Variants in ERBB4 observed in about 807,000 individuals in gnomAD.
ERBB4 encodes the protein erb-b2 receptor tyrosine kinase 4.
Under a neutral mutation model 158.0 loss-of-function variants are expected in ERBB4, and 42 were observed. The ratio of observed to expected loss-of-function variants is 0.27; its 90% CI spans 0.21 to 0.34. The LOEUF is 0.34. ERBB4 is among the 10% of genes least tolerant of loss of function. The pLI is 1.00. For synonymous variants in ERBB4, 583 were observed against 558.7 expected (o/e 1.04, Z -0.61); for missense variants, 1,333 against 1,624.1 (o/e 0.82, Z 3.08).
At chr2:211,839,153 AG>A (rs1386551693) in intron 3 of ERBB4, among the ~76,000 whole-genome samples, 22 of 1,756 alleles carry the variant, frequency 0.013, no homozygotes, top group Admixed American at 0.048. Flanking sequence ...GAGAGAGAGA[AG>A]GAGGAGGAGG....
intron 20 of ERBB4, among the ~76,000 whole-genome samples, chr2:211,496,028 C>T (rs1339003950): frequency 6.6e-6 from 1 of 152,038 alleles, no homozygotes; most frequent in Non-Finnish European, 1.5e-5. Flanking sequence ...ACAGCACTGA[C>T]ATAGTTGATC....
intron 20 of ERBB4, among the ~76,000 whole-genome samples, chr2:211,468,929 A>AC (rs1178126956): frequency 6.6e-6 from 1 of 151,482 alleles, no homozygotes; most frequent in Non-Finnish European, 1.5e-5. Context: ...AAAAAAAAAA[A>AC]AAAACCCTTA....
chr2:211,493,145 G>A (rs745870196), intron 20 of ERBB4, among the ~76,000 whole-genome samples: 1 of 152,044 alleles, frequency 6.6e-6, no homozygotes, highest in Admixed American at 6.6e-5. Context: ...GCTTTCCATT[G>A]TAGTTGCTTC....
rs529759085 is a variant in ERBB4 at position 211,622,148 on chromosome 2, T to G, written c.2202+1774A>C. Among the ~76,000 whole-genome samples, 15 of 152,342 alleles carry G rather than the reference T, an allele frequency of 9.8e-5. No individual in the cohort carries two copies. The East Asian group carries it at 2.9e-3, about 29-fold the overall frequency. ...TTATTATCCACATAATTCGTTGATATTTTATTGTAGAAATGAGTACAGATT... is the reference window on the plus strand; with the variant it reads ...TTATTATCCACATAATTCGTTGATAGTTTATTGTAGAAATGAGTACAGATT... On this transcript the variant is annotated intron_variant, in intron 18 of 27. Coordinates refer to ENST00000342788, the MANE Select transcript of ERBB4 (RefSeq NM_005235.3).
intron 1 of ERBB4, among the ~76,000 whole-genome samples, chr2:212,537,481 T>G (rs766375139): frequency 6.6e-5 from 10 of 152,038 alleles, no homozygotes; most frequent in Non-Finnish European, 1.5e-4. Flanking sequence ...CCCGCCGCGC[T>G]GCCTCTCGGG....
intron 13 of ERBB4, among the ~76,000 whole-genome samples, chr2:211,673,781 T>C (rs2071945063): frequency 6.6e-6 from 1 of 152,174 alleles, no homozygotes; most frequent in Admixed American, 6.6e-5. Flanking sequence ...CTCTTCTCCT[T>C]TTAAAATATC....
chr2:212,457,805 A>T (rs1423274331), intron 1 of ERBB4, among the ~76,000 whole-genome samples: 1 of 152,016 alleles, frequency 6.6e-6, no homozygotes, highest in Non-Finnish European at 1.5e-5. Context: ...ATTCTTTTTA[A>T]TTTGCACTAA....
At chr2:211,809,341 C>G (rs936983804) in intron 3 of ERBB4, among the ~76,000 whole-genome samples, 4 of 152,122 alleles carry the variant, frequency 2.6e-5, no homozygotes, top group Non-Finnish European at 5.9e-5. Flanking sequence ...GGTTGGTAGG[C>G]TATTAATTAT....
intron 1 of ERBB4, among the ~76,000 whole-genome samples, chr2:212,430,544 G>A (rs762189362): frequency 1.2e-4 from 18 of 151,788 alleles, no homozygotes; most frequent in Admixed American, 2.0e-4. Context: ...GGGTTGAAGC[G>A]ATTCTCCTGC....
intron 3 of ERBB4, among the ~76,000 whole-genome samples, chr2:211,853,089 G>T (rs925606657): frequency 6.6e-6 from 1 of 151,976 alleles, no homozygotes; most frequent in Admixed American, 6.6e-5. Context: ...CACAGGTCTT[G>T]CTTCTGAAGG....
At chr2:212,280,554 G>A (rs2085717613) in intron 1 of ERBB4, among the ~76,000 whole-genome samples, 1 of 151,558 alleles carries the variant, frequency 6.6e-6, no homozygotes, top group Non-Finnish European at 1.5e-5. Flanking sequence ...TCACCTTTTA[G>A]ACATAAAAAG....
chr2:211,580,084 T>C (rs2068021374), intron 19 of ERBB4, among the ~76,000 whole-genome samples: 1 of 152,238 alleles, frequency 6.6e-6, no homozygotes, highest in Non-Finnish European at 1.5e-5. Flanking sequence ...TGGTGCTTTT[T>C]AAATAAGTTG....
chr2:211,617,457 G>A (rs189303917), intron 19 of ERBB4, among the ~76,000 whole-genome samples: 7 of 152,190 alleles, frequency 4.6e-5, no homozygotes, highest in South Asian at 2.1e-4. Flanking sequence ...TAGCAGTGGC[G>A]TGTCAGAAAC....
chr2:212,384,916 T>TAC (rs1371539584), intron 1 of ERBB4, among the ~76,000 whole-genome samples: 37 of 135,570 alleles, frequency 2.7e-4, no homozygotes, highest in African/African-American at 1.1e-3. Context: ...TATATATATA[T>TAC]ATATACACAC....
chr2:212,498,221 C>T (rs1690691380), intron 1 of ERBB4, among the ~76,000 whole-genome samples: 1 of 151,842 alleles, frequency 6.6e-6, no homozygotes, highest in Admixed American at 6.6e-5. Flanking sequence ...CTGCAAGTCC[C>T]TTTTTTGAAC....
chr2:212,481,968 A>G (rs965775225), intron 1 of ERBB4, among the ~76,000 whole-genome samples: 15 of 152,218 alleles, frequency 9.9e-5, no homozygotes, highest in African/African-American at 3.6e-4. Flanking sequence ...TAATGGTAGC[A>G]GCAATTGAGT....
chr2:211,492,040 T>A (rs1016857368), intron 20 of ERBB4, among the ~76,000 whole-genome samples: 1 of 150,258 alleles, frequency 6.7e-6, no homozygotes, highest in South Asian at 2.1e-4. Context: ...ACATACTGTA[T>A]CACAGCAAAG....
chr2:212,254,900 G>A (rs1040207641), intron 1 of ERBB4, among the ~76,000 whole-genome samples: 2 of 152,112 alleles, frequency 1.3e-5, no homozygotes, highest in African/African-American at 4.8e-5. Context: ...TATAGTGTGA[G>A]AGATACTCTC....
chr2:212,329,143 A>C (rs34686180), intron 1 of ERBB4, among the ~76,000 whole-genome samples: 1 of 152,132 alleles, frequency 6.6e-6, no homozygotes, highest in African/African-American at 2.4e-5. Flanking sequence ...AAGGTACCAG[A>C]CAACTTAATA....
Sources: gnomAD v4.1 joint callset for allele counts (sites outside exome capture counted in the v4.1 genomes callset) on GRCh38, gnomAD v4.1.1 for gene constraint, MANE v1.5 for transcripts, NCBI Gene and HGNC (gene_info 2026-07-23, HGNC 2026-07-21) for gene names.